The following SDK1 variants were observed in gnomAD, a reference collection of about 807,000 sequenced individuals.
SDK1 encodes the protein sidekick cell adhesion molecule 1, also known as protein sidekick-1.
A neutral mutation model predicts 245.5 loss-of-function variants in SDK1; 157 were observed. The ratio of observed to expected loss-of-function variants is 0.64; its 90% CI spans 0.56 to 0.73. The LOEUF (loss-of-function observed/expected upper bound fraction) is 0.73. Ranked by LOEUF, SDK1 falls within the 30% of genes least tolerant of loss-of-function variation. The pLI is 0.00. For missense variants in SDK1, 3,583 were observed against 3,002.3 expected (o/e 1.19, Z -4.52); for synonymous variants, 1,647 against 1,278.5 (o/e 1.29, Z -6.15).
chr7:3,342,047 C>G (rs1355105190), intron 1 of SDK1, among the ~76,000 whole-genome samples: 6 of 152,062 alleles, frequency 3.9e-5, no homozygotes, highest in Non-Finnish European at 2.9e-5. Context: ...TGATAGTAAT[C>G]AAGATACACA....
chr7:3,541,628 G>A (rs571564807), intron 1 of SDK1, among the ~76,000 whole-genome samples: 1 of 152,182 alleles, frequency 6.6e-6, no homozygotes, highest in South Asian at 2.1e-4. Flanking sequence ...AATATATTTG[G>A]TATTTATTTT....
intron 4 of SDK1, among the ~76,000 whole-genome samples, chr7:3,766,023 A>T (rs2114994801): frequency 6.6e-6 from 1 of 152,310 alleles, no homozygotes; most frequent in South Asian, 2.1e-4. Context: ...CTTCACAAGA[A>T]CATGCTTTTA....
At chr7:3,878,157 A>C (rs1237598816) in intron 5 of SDK1, among the ~76,000 whole-genome samples, 1 of 152,260 alleles carries the variant, frequency 6.6e-6, no homozygotes, top group Non-Finnish European at 1.5e-5. Flanking sequence ...GTTTCTCCCC[A>C]AAATCAAACA....
chr7:3,437,575 C>T (rs940493736), intron 1 of SDK1, among the ~76,000 whole-genome samples: 2 of 151,990 alleles, frequency 1.3e-5, no homozygotes, highest in African/African-American at 4.8e-5. Flanking sequence ...AGTTTGAGAT[C>T]AGCCTGGGCA....
chr7:3,780,275 G>A (rs1156997790), intron 4 of SDK1, among the ~76,000 whole-genome samples: 1 of 152,186 alleles, frequency 6.6e-6, no homozygotes, highest in African/African-American at 2.4e-5. Flanking sequence ...AGAACCAGAG[G>A]CAGTCATCTA....
At chr7:3,946,688 C>T (rs1181967456) in intron 5 of SDK1, among the ~76,000 whole-genome samples, 1 of 152,088 alleles carries the variant, frequency 6.6e-6, no homozygotes, top group Admixed American at 6.6e-5. Context: ...GATACTCTAG[C>T]TAAGTGAGGA....
intron 5 of SDK1, among the ~76,000 whole-genome samples, chr7:3,824,157 C>T (rs906185382): frequency 5.1e-4 from 78 of 152,048 alleles, no homozygotes; most frequent in African/African-American, 1.7e-3. Flanking sequence ...TTGAAGGATG[C>T]GTCTCTTCAC....
chr7:4,068,141 C>G (rs1388359008), intron 20 of SDK1, among the ~76,000 whole-genome samples: 1 of 152,152 alleles, frequency 6.6e-6, no homozygotes, highest in African/African-American at 2.4e-5. Flanking sequence ...GGGCCCTTTA[C>G]TGTGTGGGCA....
chr7:3,981,495 A>G (rs986301168), intron 13 of SDK1, among the ~76,000 whole-genome samples: 34 of 152,214 alleles, frequency 2.2e-4, no homozygotes, highest in African/African-American at 7.7e-4. Context: ...AGGAAGGCAT[A>G]TCGAAAGCCA....
At chr7:3,659,678 C>G (rs962043595) in intron 4 of SDK1, among the ~76,000 whole-genome samples, 1 of 152,156 alleles carries the variant, frequency 6.6e-6, no homozygotes, top group Admixed American at 6.5e-5. Flanking sequence ...AGGCCATGAT[C>G]TGATTGGCTT....
At chr7:3,911,263 A>C (rs1415893316) in intron 5 of SDK1, among the ~76,000 whole-genome samples, 1 of 152,106 alleles carries the variant, frequency 6.6e-6, no homozygotes, top group Non-Finnish European at 1.5e-5. Context: ...TGTCCTCTAG[A>C]TCCTGTACCC....
intron 7 of SDK1, among the ~76,000 whole-genome samples, chr7:3,957,421 G>C (rs1193106787): frequency 1.3e-5 from 2 of 152,174 alleles, no homozygotes; most frequent in African/African-American, 2.4e-5. Context: ...GGGTCCATGA[G>C]CTCTTTCAGT....
At chr7:3,799,383 G>A (rs930043576) in intron 4 of SDK1, among the ~76,000 whole-genome samples, 6 of 151,648 alleles carry the variant, frequency 4.0e-5, no homozygotes, top group Non-Finnish European at 8.8e-5. Flanking sequence ...AGGCTTCTCG[G>A]TGTTGAAGGC....
At chr7:3,909,750 G>A (rs138902609) in intron 5 of SDK1, among the ~76,000 whole-genome samples, 22 of 152,334 alleles carry the variant, frequency 1.4e-4, no homozygotes, top group Non-Finnish European at 2.2e-4. Context: ...AGAACCATCC[G>A]TCTCTTAATT....
intron 25 of SDK1, among the ~76,000 whole-genome samples, chr7:4,125,660 A>G (rs1448030992): frequency 6.6e-6 from 1 of 152,182 alleles, no homozygotes; most frequent in Non-Finnish European, 1.5e-5. Flanking sequence ...AAGGAAACAG[A>G]TGCTTCTACT....
intron 30 of SDK1, among the ~76,000 whole-genome samples, chr7:4,156,124 C>G (rs1335438161): frequency 6.6e-6 from 1 of 152,108 alleles, no homozygotes; most frequent in Non-Finnish European, 1.5e-5. Flanking sequence ...GTATGCTGTC[C>G]AAGGTTAACT....
intron 41 of SDK1, among the ~76,000 whole-genome samples, 159 bp downstream of exon 41, chr7:4,233,578 G>A (rs1344412789): frequency 2.6e-5 from 4 of 152,010 alleles, no homozygotes; most frequent in African/African-American, 9.7e-5. Flanking sequence ...AGGATGGGAG[G>A]GAGAAATGGG....
chr7:3,951,649 C>A, intron 6 of SDK1, 81 bp from the exon 7 acceptor site: 1 of 1,305,700 alleles, frequency 7.7e-7, no homozygotes, highest in South Asian at 1.2e-5. Context: ...TTCGTCAAGC[C>A]TGTGCCGAGT....
intron 4 of SDK1, among the ~76,000 whole-genome samples, chr7:3,662,200 G>T (rs531521334): frequency 1.2e-4 from 18 of 152,076 alleles, no homozygotes; most frequent in Admixed American, 1.2e-3. Context: ...ATAACAATAG[G>T]TAAAATGGAA....
Sources: gnomAD v4.1 joint callset for allele counts (sites outside exome capture counted in the v4.1 genomes callset) on GRCh38, gnomAD v4.1.1 for gene constraint, MANE v1.5 for transcripts, NCBI Gene and HGNC (gene_info 2026-07-23, HGNC 2026-07-21) for gene names.